RELL2: variants seen among roughly 807,000 people sequenced by gnomAD.
RELL2 encodes RELT like 2, also known as RELT-like protein 2.
In RELL2, 18 loss-of-function variants were observed where a neutral mutation model predicts 27.5. That is an observed-to-expected ratio of 0.65 (90% CI 0.45 to 0.97). RELL2 has a LOEUF of 0.97. RELL2 is among the 50% of genes least tolerant of loss of function. The probability of loss-of-function intolerance (pLI) is 0.00; values close to 1 mark genes in which losing one functional copy is unlikely to be tolerated. For synonymous variants in RELL2, 156 were observed against 147.5 expected (o/e 1.06, Z -0.42); for missense variants, 370 against 397.5 (o/e 0.93, Z 0.59).
chr5:141,640,828 G>C lies in RELL2; in HGVS notation c.*159G>C. 2.9e-6 allele frequency: 2 copies of C among 680,960 alleles called. No homozygotes were observed. Among genetic ancestry groups the C allele is most frequent in the South Asian group, 3.9e-5 (2 of 51,006 alleles). The allele number at this position is 680,960 out of a possible 1,614,324, so 42.2% of individuals were successfully genotyped here. Reference sequence around the variant, plus strand: ...GTCTCAGGCTGGGGGCCTCAGGAGAGGTCACAGCCCCTCAGTCTCTTCTCC... The same window carrying C: ...GTCTCAGGCTGGGGGCCTCAGGAGACGTCACAGCCCCTCAGTCTCTTCTCC... On this transcript the variant is annotated 3_prime_UTR_variant, in exon 7 of 7. Coordinates refer to ENST00000297164, the MANE Select transcript of RELL2 (RefSeq NM_173828.5).
In RELL2 at chr5:141,638,999, G is replaced by A. The variant is rs1212788936; in HGVS notation, c.295G>A (p.Glu99Lys). ...LKEMLGDSEG[E>K]GTVQLSSVDA... The stretch of plus-strand genomic sequence containing the variant: ...GGAGATGCTGGGGGACAGTGAAGGA[G>A]AAGGGACAGTGCAGCTGTCCAGGTG... The change falls in exon 3 of 7, where the codon GAA becomes AAA. Residue 99 changes from glutamate to lysine, a missense_variant. By Grantham distance (56) the Glu-to-Lys change is moderately conservative. Transcript: ENST00000297164. 3 of 1,614,146 alleles carry A rather than the reference G, an allele frequency of 1.9e-6. No individual in the cohort carries two copies. The East Asian group carries it at 6.7e-5, about 36-fold the overall frequency.
chr5:141,638,408 C>T lies in RELL2; in HGVS notation c.183C>T (p.Pro61=), dbSNP rs146541687. The T allele has an allele frequency of 7.6e-4, 1,214 of 1,607,518 alleles. 4 individuals are homozygous for T. Among genetic ancestry groups the T allele is most frequent in the Middle Eastern group, 5.3e-3 (30 of 5,632 alleles). Residue 61 remains proline, a splice_region_variant and synonymous_variant, in exon 1 of 7, where the codon CCC becomes CCT. Coordinates refer to ENST00000297164, the MANE Select transcript of RELL2 (RefSeq NM_173828.5). The part of the protein sequence containing the change: ...GSEPDDAQLQ[P]PEDDDMNEDT... ...AGCCTGACGATGCCCAGCTTCAGCC[C>T]CGTGAGTGAGGAGCCTGGAACCCTG...
In RELL2 at chr5:141,638,192, G is replaced by T; in HGVS notation, c.-34G>T. On this transcript the variant is annotated 5_prime_UTR_variant, in exon 1 of 7. It adds an upstream start codon to the 5' untranslated region. Transcript: ENST00000297164. ...CAGCTGCAGCCCCCTAAACCCAGGAGGCGCCCTGGCCCGCGCTCGCCCCCC... is the reference window on the plus strand; with the variant it reads ...CAGCTGCAGCCCCCTAAACCCAGGATGCGCCCTGGCCCGCGCTCGCCCCCC... 6.4e-7 allele frequency: 1 copy of T among 1,568,280 alleles called. No individual in the cohort carries two copies. Among genetic ancestry groups the T allele is most frequent in the Non-Finnish European group, 8.7e-7 (1 of 1,151,556 alleles).
Position 141,639,843 on chromosome 5 carries a change from G to C in RELL2, c.504-77G>C. On this transcript the variant is annotated intron_variant, in intron 4 of 6. Coordinates refer to ENST00000297164, the MANE Select transcript of RELL2 (RefSeq NM_173828.5). The surrounding 1 kb of genome is among the most constrained non-coding windows in gnomAD (Gnocchi z 4.4). ...AGAGGGAAGTAGCCACCAAACTCAG[G>C]ATGTCCCTGGTCAGAGGGGAGGGCC... is the stretch of plus-strand genomic sequence containing the variant. The C allele has an allele frequency of 6.6e-7, 1 of 1,504,692 alleles. No homozygotes were observed. The highest frequency in any genetic ancestry group is 9.2e-7 in the Non-Finnish European group (1 of 1,086,940). The allele number at this position is 1,504,692 out of a possible 1,614,324, so 93.2% of individuals were successfully genotyped here.
Position 141,637,040 on chromosome 5 carries a change from G to A in RELL2, c.-1186G>A, listed in dbSNP as rs1373769460. 1 of 361,302 alleles carries A rather than the reference G, an allele frequency of 2.8e-6. No homozygotes were observed. The highest frequency in any genetic ancestry group is 4.9e-6 in the Non-Finnish European group (1 of 203,516). 22.4% of individuals were successfully genotyped at this position (361,302 alleles called of 1,614,324 possible). On this transcript the variant is annotated 5_prime_UTR_variant, in exon 1 of 7. Coordinates refer to ENST00000297164, the MANE Select transcript of RELL2 (RefSeq NM_173828.5). ...AGGGAACTGGCAGCATAGCTCCTAG[G>A]ATGCGAGGGCCATTTGTCTCCGGCC...
rs1346368861 is a variant in RELL2, at chr5:141,640,305, C to T, written c.879+10C>T. On this transcript the variant is annotated intron_variant, in intron 5 of 6. Transcript: ENST00000297164. ...CACTTCTGATCACCAGGTAGGAAAA[C>T]ACAGCCGGGACTGCACTGGGCTGGG... 2.5e-6 allele frequency: 4 copies of T among 1,613,642 alleles called. No individual in the cohort carries two copies. The South Asian group carries it at 3.3e-5, about 13-fold the overall frequency.
chr5:141,637,847 AG>A lies in RELL2; in HGVS notation c.-377del, dbSNP rs539868902. Reference sequence around the variant, plus strand: ...AGAGGCCTGGCTCAGGCCGGCGTGGAGGAGGTGCGGGCGCTGACTCAGGCAG... The same window carrying A: ...AGAGGCCTGGCTCAGGCCGGCGTGGAGAGGTGCGGGCGCTGACTCAGGCAG... On this transcript the variant is annotated 5_prime_UTR_variant, in exon 1 of 7. The change abolishes the stop of an existing upstream ORF in the 5' untranslated region. Transcript: ENST00000297164. The A allele has an allele frequency of 7.3e-4, 142 of 194,320 alleles. No homozygotes were observed. The highest frequency in any genetic ancestry group is 3.2e-3 in the African/African-American group (138 of 42,826). The allele number at this position is 194,320 out of a possible 1,614,324, so 12.0% of individuals were successfully genotyped here. A position where few individuals can be genotyped will look rare whatever the true frequency, so the allele number is the denominator to read the frequency against.
chr5:141,638,076 T>C lies in RELL2; in HGVS notation c.-150T>C. ...CTCCTGGCCCGGACAGCTCCCTGGTTGGGTAGGGGGTGGGGCCGGACCTCA... is the reference window on the plus strand; with the variant it reads ...CTCCTGGCCCGGACAGCTCCCTGGTCGGGTAGGGGGTGGGGCCGGACCTCA... On this transcript the variant is annotated 5_prime_UTR_variant, in exon 1 of 7. Transcript: ENST00000297164. 1.6e-6 allele frequency: 1 copy of C among 631,932 alleles called. No individual in the cohort carries two copies. Among genetic ancestry groups the C allele is most frequent in the South Asian group, 1.9e-5 (1 of 53,954 alleles). The allele number at this position is 631,932 out of a possible 1,614,324, so 39.1% of individuals were successfully genotyped here. A position where few individuals can be genotyped will look rare whatever the true frequency, so the allele number is the denominator to read the frequency against.
chr5:141,640,489 T>C (rs2099906725), intron 6 of RELL2, 44 bp downstream of exon 6: 2 of 1,614,082 alleles, frequency 1.2e-6, no homozygotes, highest in South Asian at 2.2e-5. Context: ...CATCTTCCCA[T>C]CACCTACTTA....
At chr5:141,638,494 C>A in intron 1 of RELL2, 85 bp downstream of exon 1, 3 of 1,316,810 alleles carry the variant, frequency 2.3e-6, no homozygotes, top group Non-Finnish European at 3.1e-6. Context: ...AGACCCAGGC[C>A]AAATCCTGAT....
rs2099906601 is a variant in RELL2, at chr5:141,639,714, C to T, written c.503+65C>T. The T allele has an allele frequency of 6.8e-7, 1 of 1,476,530 alleles. No homozygotes were observed. Among genetic ancestry groups the T allele is most frequent in the Non-Finnish European group, 9.2e-7 (1 of 1,086,206 alleles). The allele number at this position is 1,476,530 out of a possible 1,614,324, so 91.5% of individuals were successfully genotyped here. ...GGGCCCAGTGATCAGGCACCTGATC[C>T]CAAAAGTGGGCCTTGGCTCTTTCCT... is the stretch of plus-strand genomic sequence containing the variant. On this transcript the variant is annotated intron_variant, in intron 4 of 6. Transcript: ENST00000297164. This position sits in a 1 kb window ranked among gnomAD's most constrained non-coding sequence, Gnocchi z 4.4.
At chr5:141,638,460 C>T in intron 1 of RELL2, 51 bp downstream of exon 1, 1 of 1,518,472 alleles carries the variant, frequency 6.6e-7, no homozygotes, top group Non-Finnish European at 8.9e-7. Flanking sequence ...CCCTTCTCCC[C>T]ACACCTCTGC....
At position 141,638,438 on chromosome 5, in the gene RELL2, AG is replaced by A. The variant is rs745515208; in HGVS notation, c.184+30del. 8.2e-6 allele frequency: 13 copies of A among 1,581,236 alleles called. No homozygotes were observed. In the African/African-American group the frequency reaches 1.8e-4, roughly 21 times the overall value. ...AGTGAGGAGCCTGGAACCCTGGCTC[AG>A]TCACCTTTCACCCTTCTCCCCACAC... On this transcript the variant is annotated intron_variant, in intron 1 of 6. Coordinates refer to ENST00000297164, the MANE Select transcript of RELL2 (RefSeq NM_173828.5).
chr5:141,638,951 T>G lies in RELL2; in HGVS notation c.251-4T>G. The G allele has an allele frequency of 6.2e-7, 1 of 1,613,988 alleles. No homozygotes were observed. Among genetic ancestry groups the G allele is most frequent in the Non-Finnish European group, 8.5e-7 (1 of 1,179,852 alleles). On this transcript the variant is annotated splice_region_variant and splice_polypyrimidine_tract_variant and intron_variant, in intron 2 of 6. Coordinates refer to ENST00000297164, the MANE Select transcript of RELL2 (RefSeq NM_173828.5). Reference sequence around the variant, plus strand: ...CTGACTCCCTCTTTTCCTTCTTCCCTCAGCCAATGCTGAGGCCTTGAAGGA... The same window carrying G: ...CTGACTCCCTCTTTTCCTTCTTCCCGCAGCCAATGCTGAGGCCTTGAAGGA...
Position 141,638,381 on chromosome 5 carries a change from T to A in RELL2, c.156T>A (p.Ser52=). The A allele has an allele frequency of 6.2e-7, 1 of 1,612,644 alleles. No individual in the cohort carries two copies. ...ACCGCTGCCGCACGTCGAGGGGCTC[T>A]GAGCCTGACGATGCCCAGCTTCAGC... ...KGYRCRTSRG[S]EPDDAQLQPP... The change falls in exon 1 of 7, where the codon TCT becomes TCA. Residue 52 remains serine, a synonymous_variant. Coordinates refer to ENST00000297164, the MANE Select transcript of RELL2 (RefSeq NM_173828.5).
Position 141,640,778 on chromosome 5 carries a change from C to A in RELL2, c.*109C>A. 2 of 1,078,420 alleles carry A rather than the reference C, an allele frequency of 1.9e-6. No homozygotes were observed. The highest frequency in any genetic ancestry group is 2.6e-6 in the Non-Finnish European group (2 of 760,694). The allele number at this position is 1,078,420 out of a possible 1,614,324, so 66.8% of individuals were successfully genotyped here. On this transcript the variant is annotated 3_prime_UTR_variant, in exon 7 of 7. Transcript: ENST00000297164. ...CACTGCCCCCCAGCTGAGGGACCAG[C>A]TCTACTTCCACCTGGAGTTGCACAG...
In RELL2 at chr5:141,639,974, C is replaced by T. The variant is rs771805856; in HGVS notation, c.558C>T (p.Gly186=). The stretch of plus-strand genomic sequence containing the variant: ...ATGGACTGCACGAACACCGTGATGG[C>T]TCCCCCACAGACAGGAGCTGGGGCT... ...KRYGLHEHRD[G]SPTDRSWGSG... The change falls in exon 5 of 7, where the codon GGC becomes GGT. Residue 186 remains glycine (G), a synonymous_variant. Coordinates refer to ENST00000297164, the MANE Select transcript of RELL2 (RefSeq NM_173828.5). This position sits in a 1 kb window ranked among gnomAD's most constrained non-coding sequence, Gnocchi z 4.4. 7.4e-5 allele frequency: 120 copies of T among 1,613,812 alleles called. No individual in the cohort carries two copies. The highest frequency in any genetic ancestry group is 6.6e-4 in the Middle Eastern group (4 of 6,082).
In RELL2 at chr5:141,641,063, T is replaced by C; in HGVS notation, c.*394T>C. ...TTGTCAATAAATCCGCTCAGACCAT[T>C]ACAGCTGCTTCGCATCCTGGCTCCA... On this transcript the variant is annotated 3_prime_UTR_variant, in exon 7 of 7. Coordinates refer to ENST00000297164, the MANE Select transcript of RELL2 (RefSeq NM_173828.5). 1 of 311,750 alleles carries C rather than the reference T, an allele frequency of 3.2e-6. No homozygotes were observed. The highest frequency in any genetic ancestry group is 5.9e-6 in the Non-Finnish European group (1 of 169,716). 19.3% of individuals were successfully genotyped at this position (311,750 alleles called of 1,614,324 possible). A position where few individuals can be genotyped will look rare whatever the true frequency, so the allele number is the denominator to read the frequency against.
Position 141,639,058 on chromosome 5 carries a change from C to T in RELL2, c.317+37C>T, listed in dbSNP as rs1413592675. The T allele has an allele frequency of 1.3e-6, 2 of 1,573,476 alleles. No homozygotes were observed. The highest frequency in any genetic ancestry group is 1.7e-6 in the Non-Finnish European group (2 of 1,147,790). The stretch of plus-strand genomic sequence containing the variant: ...ACAAGGGCCAGCATGACTTAGCTTG[C>T]CTTGGAGAGTATCCTCTCCTCCAGC... On this transcript the variant is annotated intron_variant, in intron 3 of 6. Transcript: ENST00000297164. This position sits in a 1 kb window ranked among gnomAD's most constrained non-coding sequence, Gnocchi z 4.4.
Sources: gnomAD v4.1 joint callset for allele counts on GRCh38, gnomAD v4.1.1 for gene constraint, Gnocchi (gnomAD v3.1) non-coding constraint, MANE v1.5 for transcripts, NCBI Gene and HGNC (gene_info 2026-07-23, HGNC 2026-07-21) for gene names.